The following HCN1 variants were observed in gnomAD, a reference collection of about 807,000 sequenced individuals.
The protein encoded by HCN1 is potassium/sodium hyperpolarization-activated cyclic nucleotide-gated channel 1.
HCN1 carries 13 observed loss-of-function variants against 78.9 expected under a neutral mutation model. That is an observed-to-expected ratio of 0.16 (90% CI 0.11 to 0.26). HCN1 has a LOEUF of 0.26. Ranked by LOEUF, HCN1 falls within the 10% of genes least tolerant of loss-of-function variation. The probability of loss-of-function intolerance (pLI) is 1.00; values close to 1 mark genes in which losing one functional copy is unlikely to be tolerated. For missense variants in HCN1, 810 were observed against 1,154.3 expected, an observed-to-expected ratio of 0.70 and a Z score of 4.32; for synonymous variants, 552 against 455.5, an observed-to-expected ratio of 1.21 and a Z score of -2.70.
At chr5:45,402,824 C>CTTCCTTCG in intron 3 of HCN1, among the ~76,000 whole-genome samples, 1 of 130,534 alleles carries the variant, frequency 7.7e-6, no homozygotes, top group Non-Finnish European at 1.6e-5. Flanking sequence ...TCCTTCCTTC[C>CTTCCTTCG]TTCCTTCCTT....
chr5:45,600,147 A>T (rs906724384), intron 2 of HCN1, among the ~76,000 whole-genome samples: 6 of 151,708 alleles, frequency 4.0e-5, no homozygotes, highest in Non-Finnish European at 5.9e-5. Flanking sequence ...ATAATCTCCC[A>T]ATTTTAGGCT....
At chr5:45,473,234 T>C (rs916223063) in intron 2 of HCN1, among the ~76,000 whole-genome samples, 9 of 151,948 alleles carry the variant, frequency 5.9e-5, no homozygotes, top group African/African-American at 2.2e-4. Context: ...AGCTTCTATA[T>C]ATCTCGAGAG....
At position 45,372,134 on chromosome 5, in the gene HCN1, TATA is replaced by T. The variant is rs1255625358; in HGVS notation, c.1231-18891_1231-18889del. 7.3e-5 allele frequency among the ~76,000 whole-genome samples: 4 copies of T among 54,928 alleles called. No individual in the cohort carries two copies. The East Asian group carries it at 2.5e-3, about 34-fold the overall frequency. 36.0% of individuals were successfully genotyped at this position (54,928 alleles called of 152,430 possible). On this transcript the variant is annotated intron_variant, in intron 4 of 7. Coordinates refer to ENST00000303230, the MANE Select transcript of HCN1 (RefSeq NM_021072.4). ...ATATAATTATATATTATATATATAA[TATA>T]ATAATATATTATATAATATGTTATT... is the stretch of plus-strand genomic sequence containing the variant.
chr5:45,536,728 C>G lies in HCN1; in HGVS notation c.850-74721G>C, dbSNP rs899876183. On this transcript the variant is annotated intron_variant, in intron 2 of 7. Coordinates refer to ENST00000303230, the MANE Select transcript of HCN1 (RefSeq NM_021072.4). ...TTAATTTTCCTGTTTCTTCATGTAG[C>G]TACTAATTTTTAATTGAATAATAAA... 2.0e-5 allele frequency among the ~76,000 whole-genome samples: 3 copies of G among 152,034 alleles called. No homozygotes were observed. The East Asian group carries it at 5.8e-4, about 29-fold the overall frequency.
chr5:45,391,082 T>TA (rs754414312), intron 4 of HCN1, among the ~76,000 whole-genome samples: 1 of 152,034 alleles, frequency 6.6e-6, no homozygotes, highest in African/African-American at 2.4e-5. Flanking sequence ...TGTAGCCTAA[T>TA]AAAAAATTTT....
At chr5:45,424,396 T>G (rs1740296699) in intron 3 of HCN1, among the ~76,000 whole-genome samples, 1 of 152,114 alleles carries the variant, frequency 6.6e-6, no homozygotes, top group Non-Finnish European at 1.5e-5. Context: ...ATTTCCTCTC[T>G]TTTAAAAACA....
intron 1 of HCN1, among the ~76,000 whole-genome samples, chr5:45,678,532 A>G (rs1739638014): frequency 6.6e-6 from 1 of 151,918 alleles, no homozygotes; most frequent in African/African-American, 2.4e-5. Context: ...ATTTGTGGCT[A>G]AAGTTTTAGA....
intron 2 of HCN1, among the ~76,000 whole-genome samples, chr5:45,586,457 A>G (rs764097534): frequency 6.6e-6 from 1 of 151,512 alleles, no homozygotes; most frequent in Non-Finnish European, 1.5e-5. Flanking sequence ...GAATTCCCTG[A>G]CCCCTTGCGC....
intron 2 of HCN1, among the ~76,000 whole-genome samples, chr5:45,479,542 A>G (rs1345389753): frequency 6.6e-6 from 1 of 152,204 alleles, no homozygotes; most frequent in African/African-American, 2.4e-5. Context: ...CAGAAGAAAT[A>G]AAAGGCAATT....
intron 5 of HCN1, among the ~76,000 whole-genome samples, chr5:45,314,319 TTA>T (rs1418771758): frequency 2.0e-5 from 3 of 152,078 alleles, no homozygotes; most frequent in African/African-American, 4.8e-5. Flanking sequence ...TGCTGAGAGA[TTA>T]TGTCACCACC....
At chr5:45,549,387 G>T (rs1743308776) in intron 2 of HCN1, among the ~76,000 whole-genome samples, 1 of 152,246 alleles carries the variant, frequency 6.6e-6, no homozygotes, top group South Asian at 2.1e-4. Flanking sequence ...ACAAAAACAA[G>T]AAATGGGGAA....
intron 2 of HCN1, among the ~76,000 whole-genome samples, chr5:45,593,371 C>CTAGCAGAGAAAT (rs1744424422): frequency 6.8e-6 from 1 of 148,048 alleles, no homozygotes; most frequent in African/African-American, 2.6e-5. Flanking sequence ...CACACACACA[C>CTAGCAGAGAAAT]CCCACATGTA....
chr5:45,481,591 A>G (rs1741651818), intron 2 of HCN1, among the ~76,000 whole-genome samples: 1 of 152,176 alleles, frequency 6.6e-6, no homozygotes, highest in Non-Finnish European at 1.5e-5. Flanking sequence ...GTGTACTCTG[A>G]CATAGCAGCT....
chr5:45,608,533 TTAAG>T (rs1435646500), intron 2 of HCN1, among the ~76,000 whole-genome samples: 1 of 151,936 alleles, frequency 6.6e-6, no homozygotes, highest in Non-Finnish European at 1.5e-5. Flanking sequence ...GCTACAGTAA[TTAAG>T]TTAGTTTGGT....
chr5:45,695,945 G>GCGCCGGCCC lies in HCN1; in HGVS notation c.140_148dup (p.Gly47_Gly49dup). The GCGCCGGCCC allele has an allele frequency of 7.3e-7, 1 of 1,360,748 alleles. No homozygotes were observed. Among genetic ancestry groups the GCGCCGGCCC allele is most frequent in the Non-Finnish European group, 9.4e-7 (1 of 1,065,736 alleles). The allele number at this position is 1,360,748 out of a possible 1,614,324, so 84.3% of individuals were successfully genotyped here. On this transcript the variant is annotated inframe_insertion, in exon 1 of 8. Transcript: ENST00000303230. ...GCACACGGAGTTGCCGTGCTCCTTC[G>GCGCCGGCCC]CGCCGGCCCCGCCGCCCCCCGGCGG... is the stretch of plus-strand genomic sequence containing the variant.
chr5:45,337,286 T>C (rs2111960377), intron 5 of HCN1, among the ~76,000 whole-genome samples: 1 of 152,212 alleles, frequency 6.6e-6, no homozygotes, highest in East Asian at 1.9e-4. Flanking sequence ...GGATGTTATG[T>C]CATACAGTGC....
intron 6 of HCN1, among the ~76,000 whole-genome samples, chr5:45,287,974 A>G (rs953752965): frequency 2.0e-5 from 3 of 152,078 alleles, no homozygotes; most frequent in Non-Finnish European, 4.4e-5. Context: ...GGATCATTTC[A>G]TCCTCTAAGC....
intron 1 of HCN1, among the ~76,000 whole-genome samples, chr5:45,666,088 C>G (rs534268976): frequency 5.9e-5 from 9 of 152,148 alleles, no homozygotes; most frequent in African/African-American, 2.2e-4. Flanking sequence ...GGTCTCTGAG[C>G]CACAGTCATT....
chr5:45,573,034 G>T lies in HCN1; in HGVS notation c.849+72151C>A, dbSNP rs564100807. ...ATTAGCATTTGTTTTGCTTAGCTGCGCAAAATGTTTTTGGCATACAGAAAT... is the reference window on the plus strand; with the variant it reads ...ATTAGCATTTGTTTTGCTTAGCTGCTCAAAATGTTTTTGGCATACAGAAAT... On this transcript the variant is annotated intron_variant, in intron 2 of 7. Coordinates refer to ENST00000303230, the MANE Select transcript of HCN1 (RefSeq NM_021072.4). Among the ~76,000 whole-genome samples the T allele has an allele frequency of 3.1e-4, 47 of 152,170 alleles. No homozygotes were observed. In the South Asian group the frequency reaches 9.1e-3, roughly 30 times the overall value.
Sources: gnomAD v4.1 joint callset for allele counts (sites outside exome capture counted in the v4.1 genomes callset) on GRCh38, gnomAD v4.1.1 for gene constraint, MANE v1.5 for transcripts, NCBI Gene and HGNC (gene_info 2026-07-23, HGNC 2026-07-21) for gene names.